The following VPS50 variants were observed in gnomAD, a reference collection of about 807,000 sequenced individuals.
The protein encoded by VPS50 is syndetin.
VPS50 carries 70 observed loss-of-function variants against 139.7 expected under a neutral mutation model. That is an observed-to-expected ratio of 0.50 (90% confidence interval 0.41 to 0.61). VPS50 has a LOEUF of 0.61. Among genes scored for constraint, VPS50 ranks in the 20% least tolerant of loss-of-function variants. The pLI is 0.00. For missense variants in VPS50, 921 were observed against 1,133.7 expected (o/e 0.81, Z 2.69); for synonymous variants, 365 against 376.7 (o/e 0.97, Z 0.36).
At chr7:93,245,854 A>G (rs913387837) in intron 2 of VPS50, among the ~76,000 whole-genome samples, 2 of 151,820 alleles carry the variant, frequency 1.3e-5, no homozygotes, top group African/African-American at 4.8e-5. Flanking sequence ...AGAACGTGCC[A>G]TTTCCTCATG....
intron 2 of VPS50, 162 bp downstream of exon 2, chr7:93,240,096 C>A: frequency 2.0e-6 from 1 of 502,448 alleles, no homozygotes; most frequent in Non-Finnish European, 3.7e-6. Context: ...GGGCTTGTTT[C>A]ATTACACGTT....
chr7:93,313,695 C>T (rs1351660226), intron 20 of VPS50, among the ~76,000 whole-genome samples: 1 of 152,152 alleles, frequency 6.6e-6, no homozygotes, highest in Non-Finnish European at 1.5e-5. Flanking sequence ...TACTGATCAA[C>T]ATAGTGGGCC....
At chr7:93,354,884 T>C (rs1383193693) in intron 26 of VPS50, among the ~76,000 whole-genome samples, 1 of 152,150 alleles carries the variant, frequency 6.6e-6, no homozygotes, top group African/African-American at 2.4e-5. Flanking sequence ...ATTCACACTA[T>C]CATTTGTCTG....
intron 21 of VPS50, among the ~76,000 whole-genome samples, chr7:93,324,882 A>ATAGAT (rs896171556): frequency 6.6e-6 from 1 of 152,220 alleles, no homozygotes; most frequent in African/African-American, 2.4e-5. Flanking sequence ...GGTGTAATTT[A>ATAGAT]TAGATTCAAT....
chr7:93,355,723 A>G (rs962527041), intron 26 of VPS50, among the ~76,000 whole-genome samples, 168 bp from the exon 27 acceptor site: 1 of 152,152 alleles, frequency 6.6e-6, no homozygotes, highest in Admixed American at 6.5e-5. Flanking sequence ...ACAGAGCACA[A>G]ACACAACCCA....
intron 2 of VPS50, among the ~76,000 whole-genome samples, chr7:93,249,982 A>G (rs1795272088): frequency 6.6e-6 from 1 of 151,958 alleles, no homozygotes; most frequent in Non-Finnish European, 1.5e-5. Flanking sequence ...AAACCCCTTC[A>G]GGAATGTAGT....
chr7:93,319,486 A>G lies in VPS50; in HGVS notation c.1856-4125A>G, dbSNP rs558999316. On this transcript the variant is annotated intron_variant, in intron 20 of 27. Transcript: ENST00000305866. ...AAAATGTCTTTTTTTTTTCTCTTTC[A>G]CTTGAATGACAATTTAGCTATGAAT... Among the ~76,000 whole-genome samples the G allele has an allele frequency of 1.5e-3, 230 of 152,028 alleles. 2 individuals carry two copies. The highest frequency in any genetic ancestry group is 2.7e-3 in the Non-Finnish European group (184 of 67,974).
At chr7:93,269,990 G>T (rs143380144) in intron 9 of VPS50, among the ~76,000 whole-genome samples, 1 of 151,870 alleles carries the variant, frequency 6.6e-6, no homozygotes, top group East Asian at 1.9e-4. Context: ...TCACTTGTTT[G>T]TACTATTTTA....
At chr7:93,356,812 T>C (rs148009492) in intron 27 of VPS50, among the ~76,000 whole-genome samples, 19 of 152,310 alleles carry the variant, frequency 1.2e-4, no homozygotes, top group African/African-American at 4.1e-4. Context: ...ATGAATGTCA[T>C]GGGTAAAAGC....
intron 11 of VPS50, chr7:93,273,078 TAATTTGC>T: frequency 6.4e-6 from 1 of 155,426 alleles, no homozygotes; most frequent in South Asian, 2.0e-4. Context: ...CAGGACTTCC[TAATTTGC>T]AGCTTCACGT....
intron 23 of VPS50, among the ~76,000 whole-genome samples, chr7:93,345,207 G>A (rs1293442698): frequency 2.6e-5 from 4 of 152,278 alleles, no homozygotes; most frequent in East Asian, 1.9e-4. Flanking sequence ...ACACCTCTAC[G>A]CAAATAAACT....
chr7:93,246,903 T>C (rs1305536113), intron 2 of VPS50, among the ~76,000 whole-genome samples: 1 of 151,964 alleles, frequency 6.6e-6, no homozygotes, highest in Non-Finnish European at 1.5e-5. Context: ...AGGGCTCAAA[T>C]TGTTTTACAT....
chr7:93,322,968 C>G (rs1016091966), intron 20 of VPS50, among the ~76,000 whole-genome samples: 1 of 152,004 alleles, frequency 6.6e-6, no homozygotes, highest in Non-Finnish European at 1.5e-5. Context: ...TGGCATCTTC[C>G]AAAAGAAGGA....
At chr7:93,311,985 T>G (rs1019287627) in intron 20 of VPS50, among the ~76,000 whole-genome samples, 1 of 152,154 alleles carries the variant, frequency 6.6e-6, no homozygotes, top group African/African-American at 2.4e-5. Flanking sequence ...CATAAAAATC[T>G]CTATATTCTA....
chr7:93,294,949 A>C (rs991216719), intron 14 of VPS50, among the ~76,000 whole-genome samples: 2 of 152,120 alleles, frequency 1.3e-5, no homozygotes, highest in African/African-American at 4.8e-5. Flanking sequence ...TGTTCTGTTT[A>C]TTATTTCATT....
At chr7:93,314,157 T>G (rs1005318366) in intron 20 of VPS50, among the ~76,000 whole-genome samples, 3 of 152,208 alleles carry the variant, frequency 2.0e-5, no homozygotes, top group African/African-American at 7.2e-5. Context: ...GAGGTCATGC[T>G]TCTTCCTACA....
At chr7:93,343,841 G>C (rs902510811) in intron 23 of VPS50, among the ~76,000 whole-genome samples, 9 of 152,170 alleles carry the variant, frequency 5.9e-5, no homozygotes, top group African/African-American at 2.2e-4. Flanking sequence ...GCTAAACCTG[G>C]AAAGGAACAA....
At position 93,303,716 on chromosome 7, in the gene VPS50, A is replaced by G. The variant is rs537112479; in HGVS notation, c.1452+166A>G. 1.3e-3 allele frequency among the ~76,000 whole-genome samples: 190 copies of G among 151,976 alleles called. 1 individual carries two copies. The highest frequency in any genetic ancestry group is 4.4e-3 in the African/African-American group (181 of 41,554). On this transcript the variant is annotated intron_variant, in intron 17 of 27. Transcript: ENST00000305866. ...TCATTAGTAGCCAGCCTCTTTTTAAAGGAATGATCCTTTTATGGTTGCGAA... is the reference window on the plus strand; with the variant it reads ...TCATTAGTAGCCAGCCTCTTTTTAAGGGAATGATCCTTTTATGGTTGCGAA...
rs557862555 is a variant in VPS50 at position 93,275,074 on chromosome 7, G to T, written c.802-1091G>T. On this transcript the variant is annotated intron_variant, in intron 11 of 27. Coordinates refer to ENST00000305866, the MANE Select transcript of VPS50 (RefSeq NM_017667.4). The stretch of plus-strand genomic sequence containing the variant: ...AATTAGAAGTGGAGCCTGAAGATGT[G>T]ACTGAATTGCTACAATCTTATGATA... Among the ~76,000 whole-genome samples the T allele has an allele frequency of 2.6e-5, 4 of 152,264 alleles. No individual in the cohort carries two copies. The South Asian group carries it at 8.3e-4, about 32-fold the overall frequency.
Sources: allele counts gnomAD v4.1 joint callset (sites outside exome capture counted in the v4.1 genomes callset), GRCh38; gene constraint gnomAD v4.1.1; transcripts MANE v1.5; gene names NCBI Gene and HGNC (gene_info 2026-07-23, HGNC 2026-07-21).